STAT4: variants seen among roughly 807,000 people sequenced by gnomAD.
STAT4 encodes signal transducer and activator of transcription 4.
STAT4 carries 42 observed loss-of-function variants against 110.5 expected under a neutral mutation model. That is an observed-to-expected ratio of 0.38 (90% CI 0.30 to 0.49). The LOEUF (loss-of-function observed/expected upper bound fraction) is 0.49, where lower values mean the gene tolerates loss of function less well. STAT4 is among the 20% of genes least tolerant of loss of function. The pLI is 0.95. For synonymous variants in STAT4, 284 were observed against 302.2 expected, an observed-to-expected ratio of 0.94 and a Z score of 0.63; for missense variants, 632 against 887.9, an observed-to-expected ratio of 0.71 and a Z score of 3.66.
At position 191,033,925 on chromosome 2, in the gene STAT4, G is replaced by C; in HGVS notation, c.1701C>G (p.Pro567=). Reference sequence around the variant, plus strand: ...CTATAACTTACCCATCAATCCAAAGGGGAAGAATGTGTTTCTTAATTAGAT... The same window carrying C: ...CTATAACTTACCCATCAATCCAAAGCGGAAGAATGTGTTTCTTAATTAGAT... ...ILDLIKKHIL[P]LWIDGYVMGF... is the part of the protein sequence containing the mutation. The change falls in exon 19 of 24, where the codon CCC becomes CCG. Residue 567 remains proline, a synonymous_variant. Coordinates refer to ENST00000392320, the MANE Select transcript of STAT4 (RefSeq NM_003151.4). This position sits in a 1 kb window ranked among gnomAD's most constrained non-coding sequence, Gnocchi z 6.9. The C allele has an allele frequency of 6.2e-7, 1 of 1,609,592 alleles. No homozygotes were observed. The highest frequency in any genetic ancestry group is 8.5e-7 in the Non-Finnish European group (1 of 1,178,184).
chr2:191,120,022 A>G (rs1232525710), intron 3 of STAT4, among the ~76,000 whole-genome samples: 3 of 152,212 alleles, frequency 2.0e-5, no homozygotes, highest in Non-Finnish European at 2.9e-5. Flanking sequence ...CTTTACCCCT[A>G]TCTCGTTCCA....
In STAT4 at chr2:191,147,136, CA is replaced by C. The variant is rs1209511551; in HGVS notation, c.129-380del. On this transcript the variant is annotated intron_variant, in intron 2 of 23. Coordinates refer to ENST00000392320, the MANE Select transcript of STAT4 (RefSeq NM_003151.4). The surrounding 1 kb of genome is among the most constrained non-coding windows in gnomAD (Gnocchi z 4.1). ...AACATAAAATTGCTATATGACCCAGCAATTCCACATCTGGATATATACCCAA... is the reference window on the plus strand; with the variant it reads ...AACATAAAATTGCTATATGACCCAGCATTCCACATCTGGATATATACCCAA... Among the ~76,000 whole-genome samples the C allele has an allele frequency of 6.6e-6, 1 of 152,132 alleles. No homozygotes were observed. Among genetic ancestry groups the C allele is most frequent in the Non-Finnish European group, 1.5e-5 (1 of 67,988 alleles).
chr2:191,073,240 T>C, intron 4 of STAT4, 50 bp from the exon 5 acceptor site: 1 of 1,466,520 alleles, frequency 6.8e-7, no homozygotes, highest in East Asian at 2.3e-5. Context: ...AGGTTTATGA[T>C]GAATGCAATA....
rs1191888438 is a variant in STAT4 at position 191,113,585 on chromosome 2, T to A, written c.273+33028A>T. 6.6e-6 allele frequency among the ~76,000 whole-genome samples: 1 copy of A among 152,206 alleles called. No homozygotes were observed. The highest frequency in any genetic ancestry group is 1.5e-5 in the Non-Finnish European group (1 of 68,032). ...GGAAACTTTTGGCTTCACAGGGAGA[T>A]GTAAGAAGGCAATTAGGTACCATTA... is the stretch of plus-strand genomic sequence containing the variant. On this transcript the variant is annotated intron_variant, in intron 3 of 23. Coordinates refer to ENST00000392320, the MANE Select transcript of STAT4 (RefSeq NM_003151.4). This position sits in a 1 kb window ranked among gnomAD's most constrained non-coding sequence, Gnocchi z 4.8.
chr2:191,051,072 T>C lies in STAT4; in HGVS notation c.1251+3418A>G, dbSNP rs897575895. Among the ~76,000 whole-genome samples the C allele has an allele frequency of 2.6e-5, 4 of 151,990 alleles. No homozygotes were observed. Among genetic ancestry groups the C allele is most frequent in the Admixed American group, 1.3e-4 (2 of 15,262 alleles). On this transcript the variant is annotated intron_variant, in intron 14 of 23. Coordinates refer to ENST00000392320, the MANE Select transcript of STAT4 (RefSeq NM_003151.4). This position sits in a 1 kb window ranked among gnomAD's most constrained non-coding sequence, Gnocchi z 5.6. ...TGTGTGTGATGGAGGTGAAGAGCAT[T>C]GGAGTGGTAGCAGGAATTCCAGACA...
At position 191,032,999 on chromosome 2, in the gene STAT4, T is replaced by C. The variant is rs751205891; in HGVS notation, c.2003A>G (p.Asp668Gly). The C allele has an allele frequency of 3.1e-6, 5 of 1,614,072 alleles. No homozygotes were observed. The highest frequency in any genetic ancestry group is 8.5e-7 in the Non-Finnish European group (1 of 1,180,020). ...LKYLYPDIPKDKAFGKHYSSQ... is the reference protein window; with the variant it reads ...LKYLYPDIPKGKAFGKHYSSQ... ...GCTGTAGTGTTTACCGAAGGCTTTGTCTTTGGGAATGTCAGGATATAGGTA... is the reference window on the plus strand; with the variant it reads ...GCTGTAGTGTTTACCGAAGGCTTTGCCTTTGGGAATGTCAGGATATAGGTA... The change falls in exon 21 of 24, where the codon GAC (aspartate) becomes GGC (glycine). Residue 668 changes from aspartate to glycine, a missense_variant. By Grantham distance (94) the Asp-to-Gly change is moderately conservative. Transcript: ENST00000392320. The surrounding 1 kb of genome is among the most constrained non-coding windows in gnomAD (Gnocchi z 4.9).
intron 3 of STAT4, among the ~76,000 whole-genome samples, chr2:191,137,396 T>A (rs559164032): frequency 1.2e-4 from 19 of 152,268 alleles, no homozygotes; most frequent in Admixed American, 7.9e-4. Context: ...GTTCATGGAT[T>A]GGAAGAATTA....
In STAT4 at chr2:191,117,109, G is replaced by A. The variant is rs757139934; in HGVS notation, c.273+29504C>T. Among the ~76,000 whole-genome samples, 9 of 152,142 alleles carry A rather than the reference G, an allele frequency of 5.9e-5. No homozygotes were observed. Among genetic ancestry groups the A allele is most frequent in the East Asian group, 1.9e-4 (1 of 5,192 alleles). On this transcript the variant is annotated intron_variant, in intron 3 of 23. Coordinates refer to ENST00000392320, the MANE Select transcript of STAT4 (RefSeq NM_003151.4). This position sits in a 1 kb window ranked among gnomAD's most constrained non-coding sequence, Gnocchi z 5.2. ...CTGCGCATGGCTAATTTTCAAATGC[G>A]TCATTAGGGATTCTAATAAAGCAGG...
rs1697338386 is a variant in STAT4, at chr2:191,077,152, G to T, written c.274-827C>A. Among the ~76,000 whole-genome samples, 1 of 152,110 alleles carries T rather than the reference G, an allele frequency of 6.6e-6. No individual in the cohort carries two copies. Among genetic ancestry groups the T allele is most frequent in the Non-Finnish European group, 1.5e-5 (1 of 68,028 alleles). On this transcript the variant is annotated intron_variant, in intron 3 of 23. Coordinates refer to ENST00000392320, the MANE Select transcript of STAT4 (RefSeq NM_003151.4). This position sits in a 1 kb window ranked among gnomAD's most constrained non-coding sequence, Gnocchi z 4.1. ...AGCATATACATCTTTTATTACCAAG[G>T]TTAATGATGCAGATACTGTAAATTG...
chr2:191,055,371 T>A (rs1463582989), intron 13 of STAT4, among the ~76,000 whole-genome samples: 2 of 16,776 alleles, frequency 1.2e-4, no homozygotes, highest in East Asian at 3.5e-3. Context: ...GCTAATTTTT[T>A]TTTTTTTTTT....
chr2:191,129,610 G>A (rs1698977293), intron 3 of STAT4, among the ~76,000 whole-genome samples: 1 of 152,098 alleles, frequency 6.6e-6, no homozygotes, highest in African/African-American at 2.4e-5. Context: ...AAAAAAAGGC[G>A]ATGGAATTTT....
intron 3 of STAT4, among the ~76,000 whole-genome samples, chr2:191,115,952 G>T (rs1265163518): frequency 6.6e-6 from 1 of 152,204 alleles, no homozygotes; most frequent in African/African-American, 2.4e-5. Flanking sequence ...CAGAAGGCCA[G>T]ATACAACTAT....
chr2:191,037,535 T>C lies in STAT4; in HGVS notation c.1435-1236A>G, dbSNP rs1386870370. 6.6e-6 allele frequency among the ~76,000 whole-genome samples: 1 copy of C among 152,170 alleles called. No homozygotes were observed. Among genetic ancestry groups the C allele is most frequent in the African/African-American group, 2.4e-5 (1 of 41,448 alleles). ...TCAACAATAGTGAAACATAAGACTC[T>C]GTCCCAGATTACTGGAAAACAGATG... On this transcript the variant is annotated intron_variant, in intron 16 of 23. Coordinates refer to ENST00000392320, the MANE Select transcript of STAT4 (RefSeq NM_003151.4). The surrounding 1 kb of genome is among the most constrained non-coding windows in gnomAD (Gnocchi z 4.8).
chr2:191,143,972 C>T lies in STAT4; in HGVS notation c.273+2641G>A, dbSNP rs1699398991. Among the ~76,000 whole-genome samples, 2 of 152,210 alleles carry T rather than the reference C, an allele frequency of 1.3e-5. No homozygotes were observed. The highest frequency in any genetic ancestry group is 2.9e-5 in the Non-Finnish European group (2 of 68,034). On this transcript the variant is annotated intron_variant, in intron 3 of 23. Transcript: ENST00000392320. This position sits in a 1 kb window ranked among gnomAD's most constrained non-coding sequence, Gnocchi z 5.6. ...AGCTGACAATGATTTTTACTACTAG[C>T]TTCTGTGTTGTTAATACAAATGCCC...
chr2:191,034,691 C>A (rs374526623), intron 17 of STAT4, 94 bp from the exon 18 acceptor site: 13 of 913,358 alleles, frequency 1.4e-5, no homozygotes, highest in Middle Eastern at 2.2e-4. Flanking sequence ...CCCTTTCAAG[C>A]ATTTCTTAAG....
rs1039048573 is a variant in STAT4 at position 191,046,840 on chromosome 2, T to G, written c.1252-5692A>C. ...AAGACCTTTGTAATTTCCTTAGTGA[T>G]AGGATTGTCTGACACAGAGCTCCTA... On this transcript the variant is annotated intron_variant, in intron 14 of 23. Coordinates refer to ENST00000392320, the MANE Select transcript of STAT4 (RefSeq NM_003151.4). The surrounding 1 kb of genome is among the most constrained non-coding windows in gnomAD (Gnocchi z 4.6). Among the ~76,000 whole-genome samples the G allele has an allele frequency of 1.3e-5, 2 of 152,130 alleles. No individual in the cohort carries two copies. The highest frequency in any genetic ancestry group is 4.8e-5 in the African/African-American group (2 of 41,404).
chr2:191,121,665 G>A (rs369471686), intron 3 of STAT4, among the ~76,000 whole-genome samples: 9 of 151,444 alleles, frequency 5.9e-5, no homozygotes, highest in Non-Finnish European at 1.0e-4. Flanking sequence ...GCAAATTATC[G>A]CAAGGACAAA....
Position 191,082,129 on chromosome 2 carries a change from T to G in STAT4, c.274-5804A>C, listed in dbSNP as rs1343167947. Among the ~76,000 whole-genome samples, 1 of 152,198 alleles carries G rather than the reference T, an allele frequency of 6.6e-6. No individual in the cohort carries two copies. The highest frequency in any genetic ancestry group is 1.5e-5 in the Non-Finnish European group (1 of 68,024). ...TTTGTGTATGACAGGCAATCTTTTT[T>G]GCATTAATTTCAGTAACAAAATATA... On this transcript the variant is annotated intron_variant, in intron 3 of 23. Transcript: ENST00000392320. This position sits in a 1 kb window ranked among gnomAD's most constrained non-coding sequence, Gnocchi z 4.7.
Position 191,033,388 on chromosome 2 carries a change from T to A in STAT4, c.1852+102A>T. 1 of 1,380,580 alleles carries A rather than the reference T, an allele frequency of 7.2e-7. No individual in the cohort carries two copies. The allele number at this position is 1,380,580 out of a possible 1,614,324, so 85.5% of individuals were successfully genotyped here. A position where few individuals can be genotyped will look rare whatever the true frequency, so the allele number is the denominator to read the frequency against. On this transcript the variant is annotated intron_variant, in intron 20 of 23. Transcript: ENST00000392320. The surrounding 1 kb of genome is among the most constrained non-coding windows in gnomAD (Gnocchi z 6.9). ...CTAATATTCAAGCCCACTGAATACA[T>A]CACAGACAGATCAACACACCATACA...
Sources: gnomAD v4.1 joint callset for allele counts (sites outside exome capture counted in the v4.1 genomes callset) on GRCh38, gnomAD v4.1.1 for gene constraint, Gnocchi (gnomAD v3.1) non-coding constraint, MANE v1.5 for transcripts, NCBI Gene and HGNC (gene_info 2026-07-23, HGNC 2026-07-21) for gene names.